Variants in LRMDA observed in about 807,000 individuals in gnomAD.
The protein encoded by LRMDA is leucine rich melanocyte differentiation associated.
A neutral mutation model predicts 29.8 loss-of-function variants in LRMDA; 18 were observed. That is an observed-to-expected ratio of 0.60 (90% CI 0.42 to 0.90). The LOEUF is 0.90. Among genes scored for constraint, LRMDA ranks in the 40% least tolerant of loss-of-function variants. LRMDA has a pLI of 0.00. For missense variants in LRMDA, 273 were observed against 273.9 expected (o/e 1.00, Z 0.02); for synonymous variants, 125 against 109.4 (o/e 1.14, Z -0.89).
At chr10:75,547,891 G>A (rs1038534646) in intron 2 of LRMDA, among the ~76,000 whole-genome samples, 4 of 152,104 alleles carry the variant, frequency 2.6e-5, no homozygotes, top group Admixed American at 6.5e-5. Context: ...TTCTTGAACC[G>A]CAGCTGGCTT....
intron 6 of LRMDA, among the ~76,000 whole-genome samples, chr10:76,387,349 C>G (rs943581391): frequency 6.6e-6 from 1 of 151,990 alleles, no homozygotes; most frequent in Admixed American, 6.6e-5. Context: ...TGCCTATAAC[C>G]CAGCATTTTG....
rs1489229292 is a variant in LRMDA, at chr10:75,438,379, C to A, written c.31-15C>A. The A allele has an allele frequency of 6.5e-7, 1 of 1,541,990 alleles. No homozygotes were observed. Among genetic ancestry groups the A allele is most frequent in the Non-Finnish European group, 8.8e-7 (1 of 1,138,870 alleles). ...TTCCATTTGCCACATTGTTTCTGTT[C>A]CATTTAATTTCCAGGTGTCCTACAT... On this transcript the variant is annotated splice_polypyrimidine_tract_variant and intron_variant, in intron 1 of 6. Transcript: ENST00000611255.
At chr10:76,333,948 C>G (rs1015930041) in intron 6 of LRMDA, among the ~76,000 whole-genome samples, 1 of 152,156 alleles carries the variant, frequency 6.6e-6, no homozygotes, top group Non-Finnish European at 1.5e-5. Context: ...GCCCCTCTGT[C>G]GGTTCATCCT....
At chr10:76,417,948 A>G (rs1372807731) in intron 6 of LRMDA, among the ~76,000 whole-genome samples, 1 of 152,150 alleles carries the variant, frequency 6.6e-6, no homozygotes, top group East Asian at 1.9e-4. Context: ...TCATAAATCA[A>G]TTGTCTTCAT....
chr10:76,533,948 A>G (rs1031869194), intron 6 of LRMDA, among the ~76,000 whole-genome samples: 1 of 152,222 alleles, frequency 6.6e-6, no homozygotes, highest in Non-Finnish European at 1.5e-5. Flanking sequence ...GACTGTAGAC[A>G]GATCAGACTT....
chr10:76,223,581 A>C (rs1311026089), intron 5 of LRMDA, among the ~76,000 whole-genome samples: 21 of 152,216 alleles, frequency 1.4e-4, no homozygotes, highest in Admixed American at 1.4e-3. Flanking sequence ...TGGAGCCCTC[A>C]TAAATGGGAT....
chr10:76,427,397 C>G (rs2132279385), intron 6 of LRMDA, among the ~76,000 whole-genome samples: 1 of 152,116 alleles, frequency 6.6e-6, no homozygotes, highest in Admixed American at 6.5e-5. Flanking sequence ...TGATTTGGCT[C>G]TCTGTTTGTC....
chr10:75,614,301 C>T (rs1478566264), intron 2 of LRMDA, among the ~76,000 whole-genome samples: 1 of 152,030 alleles, frequency 6.6e-6, no homozygotes, highest in Non-Finnish European at 1.5e-5. Flanking sequence ...TTTTATAATG[C>T]CTTGCTGGTA....
chr10:75,955,812 G>C (rs962962996), intron 2 of LRMDA, among the ~76,000 whole-genome samples: 1 of 152,160 alleles, frequency 6.6e-6, no homozygotes, highest in Non-Finnish European at 1.5e-5. Context: ...ATGCATGGGA[G>C]AAAAGCTGAA....
chr10:75,721,252 G>A (rs375026617), intron 2 of LRMDA, among the ~76,000 whole-genome samples: 1 of 152,124 alleles, frequency 6.6e-6, no homozygotes, highest in Admixed American at 6.5e-5. Flanking sequence ...CATCTTTGAA[G>A]ACCGGGTAGG....
At chr10:76,294,682 G>A (rs1840391005) in intron 5 of LRMDA, among the ~76,000 whole-genome samples, 1 of 152,134 alleles carries the variant, frequency 6.6e-6, no homozygotes, top group Non-Finnish European at 1.5e-5. Context: ...ACACCTATCA[G>A]ACAAAATTTA....
At chr10:76,083,247 C>G (rs1031795430) in intron 5 of LRMDA, among the ~76,000 whole-genome samples, 7 of 152,170 alleles carry the variant, frequency 4.6e-5, no homozygotes, top group African/African-American at 1.4e-4. Context: ...CTCCTACACT[C>G]TAGGAGACAG....
intron 6 of LRMDA, among the ~76,000 whole-genome samples, chr10:76,428,295 G>A (rs1419368718): frequency 6.6e-6 from 1 of 152,066 alleles, no homozygotes; most frequent in Non-Finnish European, 1.5e-5. Flanking sequence ...ATTTTGAATG[G>A]TTCCTTTACT....
At chr10:76,177,733 A>C (rs1156772814) in intron 5 of LRMDA, among the ~76,000 whole-genome samples, 1 of 152,252 alleles carries the variant, frequency 6.6e-6, no homozygotes, top group African/African-American at 2.4e-5. Context: ...TTTACAAGTA[A>C]GAAGGCCTAC....
intron 2 of LRMDA, among the ~76,000 whole-genome samples, chr10:75,582,821 C>T (rs955548367): frequency 9.2e-5 from 14 of 152,210 alleles, no homozygotes; most frequent in Admixed American, 3.3e-4. Flanking sequence ...TTTATTTGCT[C>T]GTGCATATAA....
chr10:75,715,780 C>T (rs1842492624), intron 2 of LRMDA, among the ~76,000 whole-genome samples: 3 of 151,926 alleles, frequency 2.0e-5, no homozygotes, highest in South Asian at 4.1e-4. Context: ...CCTTCCTTCC[C>T]TTTTTCCCTT....
At chr10:75,607,282 T>C (rs1226712908) in intron 2 of LRMDA, among the ~76,000 whole-genome samples, 1 of 152,252 alleles carries the variant, frequency 6.6e-6, no homozygotes, top group African/African-American at 2.4e-5. Context: ...TTTCTTGACA[T>C]ACGATAGGAA....
At chr10:75,700,319 T>C (rs1842289596) in intron 2 of LRMDA, among the ~76,000 whole-genome samples, 1 of 151,816 alleles carries the variant, frequency 6.6e-6, no homozygotes, top group East Asian at 1.9e-4. Flanking sequence ...CATCATTATA[T>C]GACATCTGTC....
intron 5 of LRMDA, among the ~76,000 whole-genome samples, chr10:76,310,188 T>C (rs1339914276): frequency 6.6e-6 from 1 of 152,228 alleles, no homozygotes; most frequent in South Asian, 2.1e-4. Context: ...CAAAGCTGAA[T>C]GCCAGCTCAT....
Sources: allele counts gnomAD v4.1 joint callset (sites outside exome capture counted in the v4.1 genomes callset), GRCh38; gene constraint gnomAD v4.1.1; transcripts MANE v1.5; gene names NCBI Gene and HGNC (gene_info 2026-07-23, HGNC 2026-07-21).